Variants in CRYGS observed in about 807,000 individuals in gnomAD.
CRYGS encodes crystallin gamma S, also known as gamma-crystallin S.
Under a neutral mutation model 21.3 loss-of-function variants are expected in CRYGS, and 13 were observed. The observed-to-expected ratio is 0.61, with a 90% CI of 0.40 to 0.97. The LOEUF is 0.97. CRYGS is among the 50% of genes least tolerant of loss of function. The pLI is 0.00. For missense variants in CRYGS, 205 were observed against 229.7 expected (o/e 0.89, Z 0.69); for synonymous variants, 67 against 75.0 (o/e 0.89, Z 0.55).
chr3:186,544,333 T>G lies in CRYGS; in HGVS notation c.-7A>C. ...TGGTTCCAGTTTTAGACATTTTTGGTGCATAGACTGGTTTTCCCAGTGCTG... is the reference window on the plus strand; with the variant it reads ...TGGTTCCAGTTTTAGACATTTTTGGGGCATAGACTGGTTTTCCCAGTGCTG... On this transcript the variant is annotated 5_prime_UTR_variant, in exon 1 of 3. Coordinates refer to ENST00000307944, the MANE Select transcript of CRYGS (RefSeq NM_017541.4). 1 of 1,600,328 alleles carries G rather than the reference T, an allele frequency of 6.2e-7. No homozygotes were observed. The highest frequency in any genetic ancestry group is 8.6e-7 in the Non-Finnish European group (1 of 1,167,430).
chr3:186,539,921 A>C, intron 1 of CRYGS: 1 of 317,712 alleles, frequency 3.1e-6, no homozygotes, highest in Non-Finnish European at 6.1e-6. Flanking sequence ...TAAATTATCC[A>C]TTTATATGTC....
Position 186,544,316 on chromosome 3 carries a change from GT to G in CRYGS, c.10del (p.Thr4LeufsTer31). The stretch of plus-strand genomic sequence containing the variant: ...AATATGACTACTTACCTTGGTTCCA[GT>G]TTTAGACATTTTTGGTGCATAGACT... MSK[T>X]GTKITFYEDK... is the part of the protein sequence containing the mutation. On this transcript the variant is annotated frameshift_variant, in exon 1 of 3. Transcript: ENST00000307944. LOFTEE classifies it high-confidence loss of function. 1 of 1,605,462 alleles carries G rather than the reference GT, an allele frequency of 6.2e-7. No individual in the cohort carries two copies. Among genetic ancestry groups the G allele is most frequent in the Non-Finnish European group, 8.5e-7 (1 of 1,172,124 alleles).
intron 1 of CRYGS, among the ~76,000 whole-genome samples, chr3:186,543,991 C>G (rs1714126466): frequency 2.0e-5 from 3 of 152,158 alleles, no homozygotes; most frequent in Admixed American, 6.5e-5. Context: ...TCCCCATTAG[C>G]ATGCCTTATT....
chr3:186,541,896 C>T (rs959060727), intron 1 of CRYGS, among the ~76,000 whole-genome samples: 3 of 152,218 alleles, frequency 2.0e-5, no homozygotes, highest in Non-Finnish European at 4.4e-5. Flanking sequence ...CTCAGGGGCT[C>T]TTCCTCATGA....
intron 1 of CRYGS, among the ~76,000 whole-genome samples, chr3:186,541,672 GT>G (rs1345917640): frequency 6.6e-6 from 1 of 152,210 alleles, no homozygotes; most frequent in African/African-American, 2.4e-5. Context: ...TTTTGCTACA[GT>G]TTTTACAGAT....
chr3:186,539,806 ATGAAGCAAAAC>A, intron 1 of CRYGS: 1 of 561,228 alleles, frequency 1.8e-6, no homozygotes. Context: ...AAGGCTGAAC[ATGAAGCAAAAC>A]AGAAGAGGGC....
At chr3:186,543,170 A>C (rs181164194) in intron 1 of CRYGS, among the ~76,000 whole-genome samples, 66 of 152,300 alleles carry the variant, frequency 4.3e-4, no homozygotes, top group African/African-American at 1.6e-3. Flanking sequence ...GCTTTGAAAA[A>C]TGTCTCAAGA....
At chr3:186,543,513 G>C (rs1714114141) in intron 1 of CRYGS, among the ~76,000 whole-genome samples, 1 of 152,182 alleles carries the variant, frequency 6.6e-6, no homozygotes, top group African/African-American at 2.4e-5. Flanking sequence ...TTAATAAAGA[G>C]AGATGGAAAT....
At chr3:186,539,055 T>G in intron 2 of CRYGS, 87 bp from the exon 3 acceptor site, 1 of 1,471,706 alleles carries the variant, frequency 6.8e-7, no homozygotes, top group Non-Finnish European at 9.4e-7. Context: ...TGCTCAGAAC[T>G]TATCACCTTG....
chr3:186,538,954 C>A lies in CRYGS; in HGVS notation c.279G>T (p.Gln93His). ...CTTTCTCAAAGATCTGAATCTTATA[C>A]TGGCCTCCACTAGGCTGAAAAGACA... ...CRAVHLPSGG[Q>H]YKIQIFEKGD... The change falls in exon 3 of 3, where the codon CAG becomes CAT. Residue 93 changes from glutamine (Q) to histidine (H), a missense_variant. Coordinates refer to ENST00000307944, the MANE Select transcript of CRYGS (RefSeq NM_017541.4). The A allele has an allele frequency of 6.2e-7, 1 of 1,614,044 alleles. No individual in the cohort carries two copies. Among genetic ancestry groups the A allele is most frequent in the East Asian group, 2.2e-5 (1 of 44,876 alleles).
chr3:186,538,593 C>T lies in CRYGS; in HGVS notation c.*103G>A. The T allele has an allele frequency of 7.0e-7, 1 of 1,436,020 alleles. No individual in the cohort carries two copies. Among genetic ancestry groups the T allele is most frequent in the Non-Finnish European group, 9.8e-7 (1 of 1,025,502 alleles). The allele number at this position is 1,436,020 out of a possible 1,614,324, so 89.0% of individuals were successfully genotyped here. On this transcript the variant is annotated 3_prime_UTR_variant, in exon 3 of 3. Coordinates refer to ENST00000307944, the MANE Select transcript of CRYGS (RefSeq NM_017541.4). The stretch of plus-strand genomic sequence containing the variant: ...AGCATTTAAGGAGAGGCATTATAGT[C>T]AGCAGTGGGATGCATGCCAACTGTT...
rs892849333 is a variant in CRYGS at position 186,541,977 on chromosome 3, A to G, written c.21+2329T>C. Among the ~76,000 whole-genome samples, 13 of 152,348 alleles carry G rather than the reference A, an allele frequency of 8.5e-5. No individual in the cohort carries two copies. The South Asian group carries it at 1.7e-3, about 19-fold the overall frequency. ...GGATAGATTCTAAACTCCTTAATTC[A>G]TATGTTCTATTTGCCTTTGGTTTTT... is the stretch of plus-strand genomic sequence containing the variant. On this transcript the variant is annotated intron_variant, in intron 1 of 2. Coordinates refer to ENST00000307944, the MANE Select transcript of CRYGS (RefSeq NM_017541.4).
At chr3:186,541,602 G>A (rs1242236763) in intron 1 of CRYGS, among the ~76,000 whole-genome samples, 1 of 152,192 alleles carries the variant, frequency 6.6e-6, no homozygotes, top group Non-Finnish European at 1.5e-5. Flanking sequence ...TGCTCTGAGG[G>A]TCCAAGGGGA....
In CRYGS at chr3:186,538,540, G is replaced by A; in HGVS notation, c.*156C>T. The stretch of plus-strand genomic sequence containing the variant: ...GTAGCTTTGTGTGACTGCCCACTGT[G>A]GCGAGCACTGTATTGCTGGTCCCTA... On this transcript the variant is annotated 3_prime_UTR_variant, in exon 3 of 3. Coordinates refer to ENST00000307944, the MANE Select transcript of CRYGS (RefSeq NM_017541.4). The A allele has an allele frequency of 1.1e-6, 1 of 881,046 alleles. No individual in the cohort carries two copies. The highest frequency in any genetic ancestry group is 1.8e-6 in the Non-Finnish European group (1 of 564,674). 54.6% of individuals were successfully genotyped at this position (881,046 alleles called of 1,614,324 possible).
At chr3:186,539,039 C>T (rs1384740130) in intron 2 of CRYGS, 71 bp from the exon 3 acceptor site, 2 of 1,534,386 alleles carry the variant, frequency 1.3e-6, no homozygotes, top group Admixed American at 1.7e-5. Flanking sequence ...ACTTAGAGAA[C>T]AGTATTGCTC....
In CRYGS at chr3:186,538,693, T is replaced by G; in HGVS notation, c.*3A>C. ...CAGGAAGAATATGGCCCCATTCATG[T>G]CATTACTCCACAATGCGGCGGAAAG... is the stretch of plus-strand genomic sequence containing the variant. On this transcript the variant is annotated 3_prime_UTR_variant, in exon 3 of 3. Transcript: ENST00000307944. The G allele has an allele frequency of 6.2e-7, 1 of 1,614,146 alleles. No homozygotes were observed. The highest frequency in any genetic ancestry group is 8.5e-7 in the Non-Finnish European group (1 of 1,180,014).
chr3:186,541,304 A>G (rs1191515214), intron 1 of CRYGS, among the ~76,000 whole-genome samples: 1 of 151,866 alleles, frequency 6.6e-6, no homozygotes, highest in Non-Finnish European at 1.5e-5. Flanking sequence ...ATTTATCTCA[A>G]TTATTCTCTT....
intron 1 of CRYGS, among the ~76,000 whole-genome samples, chr3:186,541,250 C>CT (rs1714059014): frequency 6.6e-6 from 1 of 152,148 alleles, no homozygotes; most frequent in Admixed American, 6.5e-5. Flanking sequence ...TACTAATATA[C>CT]TAATAATTGT....
intron 2 of CRYGS, 122 bp downstream of exon 2, chr3:186,539,233 G>T: frequency 7.2e-7 from 1 of 1,384,864 alleles, no homozygotes; most frequent in Non-Finnish European, 1.0e-6. Context: ...TCAAGCCTCA[G>T]CAGCCAACAA....
Sources: allele counts gnomAD v4.1 joint callset (sites outside exome capture counted in the v4.1 genomes callset), GRCh38; gene constraint gnomAD v4.1.1; transcripts MANE v1.5; gene names NCBI Gene and HGNC (gene_info 2026-07-23, HGNC 2026-07-21).